BAZ1B: variants seen among roughly 807,000 people sequenced by gnomAD.
BAZ1B encodes bromodomain adjacent to zinc finger domain 1B, also known as tyrosine-protein kinase BAZ1B.
In BAZ1B, 22 loss-of-function variants were observed where a neutral mutation model predicts 153.8. The ratio of observed to expected loss-of-function variants is 0.14; its 90% CI spans 0.10 to 0.20. The LOEUF (loss-of-function observed/expected upper bound fraction) is 0.20. Among genes scored for constraint, BAZ1B ranks in the 10% least tolerant of loss-of-function variants. The pLI is 1.00. For synonymous variants in BAZ1B, 676 were observed against 633.4 expected, an observed-to-expected ratio of 1.07 and a Z score of -1.01; for missense variants, 1,325 against 1,799.3, an observed-to-expected ratio of 0.74 and a Z score of 4.77.
intron 8 of BAZ1B, 119 bp downstream of exon 8, chr7:73,470,226 A>G: frequency 8.3e-7 from 1 of 1,199,708 alleles, no homozygotes; most frequent in Non-Finnish European, 1.1e-6. Context: ...TTCTGTTTCC[A>G]AAAAGAATTG....
chr7:73,490,120 G>A (rs1234003400), intron 5 of BAZ1B, among the ~76,000 whole-genome samples: 1 of 152,018 alleles, frequency 6.6e-6, no homozygotes, highest in Non-Finnish European at 1.5e-5. Context: ...ATCATCTAGG[G>A]TACTATTAAA....
intron 16 of BAZ1B, among the ~76,000 whole-genome samples, chr7:73,445,075 A>G (rs1038515179): frequency 6.6e-5 from 10 of 152,130 alleles, no homozygotes; most frequent in African/African-American, 2.2e-4. Context: ...CTTGTGTCTC[A>G]GGTTTACAAC....
chr7:73,459,353 G>C (rs1554569997), intron 13 of BAZ1B, among the ~76,000 whole-genome samples, 183 bp downstream of exon 13: 1 of 150,908 alleles, frequency 6.6e-6, no homozygotes, highest in East Asian at 1.9e-4. Context: ...CACTCCACAG[G>C]CCAGTGTGAA....
rs1789718711 is a variant in BAZ1B, at chr7:73,493,117, TATAA to T, written c.572-200_572-197del. ...CAGCAAGTAAATAACTACAATGTAC[TATAA>T]ATAACTACAATGTAGTAAACAGTGT... On this transcript the variant is annotated intron_variant, in intron 4 of 19. Transcript: ENST00000339594. Among the ~76,000 whole-genome samples the T allele has an allele frequency of 2.0e-5, 3 of 152,168 alleles. No homozygotes were observed. The South Asian group carries it at 6.2e-4, about 31-fold the overall frequency.
At chr7:73,508,803 G>A (rs188264748) in intron 2 of BAZ1B, among the ~76,000 whole-genome samples, 136 of 151,842 alleles carry the variant, frequency 9.0e-4, no homozygotes, top group African/African-American at 3.2e-3. Context: ...CACGAGGTCA[G>A]GAGATCAAGA....
chr7:73,452,990 T>A (rs2116248656), intron 13 of BAZ1B, among the ~76,000 whole-genome samples: 1 of 152,238 alleles, frequency 6.6e-6, no homozygotes, highest in East Asian at 1.9e-4. Flanking sequence ...AAATAAGCAT[T>A]AAAAACCGAA....
At chr7:73,463,187 T>C in intron 11 of BAZ1B, 88 bp from the exon 12 acceptor site, 1 of 1,265,436 alleles carries the variant, frequency 7.9e-7, no homozygotes, top group Admixed American at 2.4e-5. Context: ...GTTTTATTTC[T>C]AGAAAACTTA....
At chr7:73,505,811 A>G (rs1425192248) in intron 3 of BAZ1B, among the ~76,000 whole-genome samples, 11 of 152,180 alleles carry the variant, frequency 7.2e-5, no homozygotes, top group Admixed American at 6.6e-4. Flanking sequence ...TTGGTCTCCC[A>G]AAGTGCTGGT....
Position 73,444,064 on chromosome 7 carries a change from G to A in BAZ1B, c.3910C>T (p.Arg1304Cys), listed in dbSNP as rs781799964. 1.3e-5 allele frequency: 21 copies of A among 1,613,512 alleles called. No homozygotes were observed. The highest frequency in any genetic ancestry group is 6.7e-5 in the Admixed American group (4 of 59,916). Residue 1304 changes from arginine (R) to cysteine (C), a missense_variant, in exon 17 of 20, where the codon CGC (arginine) becomes TGC (cysteine). Coordinates refer to ENST00000339594, the MANE Select transcript of BAZ1B (RefSeq NM_032408.4). Reference protein sequence around the residue: ...VIPPAARSGRRPGKKPHSTRR... With the variant: ...VIPPAARSGRCPGKKPHSTRR... ...GTAGAGTGTGGCTTCTTACCCGGGC[G>A]CCGGCCTGACCTTGCTGCAGGGGGG...
chr7:73,517,044 G>A (rs979415362), intron 1 of BAZ1B, among the ~76,000 whole-genome samples: 1 of 151,160 alleles, frequency 6.6e-6, no homozygotes, highest in African/African-American at 2.4e-5. Flanking sequence ...TTAGCCAGGC[G>A]TGGTGGTGGG....
chr7:73,456,490 C>T (rs1044410160), intron 13 of BAZ1B, among the ~76,000 whole-genome samples: 5 of 152,140 alleles, frequency 3.3e-5, no homozygotes. Flanking sequence ...GGGCAAAGGA[C>T]TTGAATATAT....
At chr7:73,487,158 C>T (rs892529689) in intron 6 of BAZ1B, among the ~76,000 whole-genome samples, 1 of 152,196 alleles carries the variant, frequency 6.6e-6, no homozygotes, top group Non-Finnish European at 1.5e-5. Flanking sequence ...AGCCAAATTT[C>T]ATAACATTAG....
At chr7:73,511,533 T>G (rs923297279) in intron 1 of BAZ1B, among the ~76,000 whole-genome samples, 1 of 151,628 alleles carries the variant, frequency 6.6e-6, no homozygotes, top group Admixed American at 6.6e-5. Flanking sequence ...TAAAAATGGT[T>G]TTTCGTGTTT....
At chr7:73,480,971 G>A (rs1789175094) in intron 6 of BAZ1B, among the ~76,000 whole-genome samples, 1 of 152,044 alleles carries the variant, frequency 6.6e-6, no homozygotes, top group South Asian at 2.1e-4. Flanking sequence ...CTGTCTCCCA[G>A]TCCGGAGTGC....
At chr7:73,490,843 G>T (rs1449487900) in intron 5 of BAZ1B, among the ~76,000 whole-genome samples, 1 of 151,568 alleles carries the variant, frequency 6.6e-6, no homozygotes, top group Non-Finnish European at 1.5e-5. Context: ...GAGCTCAGGT[G>T]ATCCACCTGC....
At chr7:73,454,555 A>T (rs1788127039) in intron 13 of BAZ1B, among the ~76,000 whole-genome samples, 1 of 152,188 alleles carries the variant, frequency 6.6e-6, no homozygotes, top group Non-Finnish European at 1.5e-5. Flanking sequence ...AAGCTTTGGA[A>T]AGGACAGCAG....
intron 7 of BAZ1B, among the ~76,000 whole-genome samples, chr7:73,473,193 G>A (rs1788878563): frequency 6.6e-6 from 1 of 152,210 alleles, no homozygotes; most frequent in Admixed American, 6.5e-5. Context: ...GCCTGCCTCA[G>A]CCTCCCGAAG....
At position 73,495,177 on chromosome 7, in the gene BAZ1B, G is replaced by C. The variant is rs150633399; in HGVS notation, c.572-2256C>G. Among the ~76,000 whole-genome samples, 431 of 152,270 alleles carry C rather than the reference G, an allele frequency of 2.8e-3. 2 individuals carry two copies. The highest frequency in any genetic ancestry group is 0.01 in the African/African-American group (420 of 41,542). On this transcript the variant is annotated intron_variant, in intron 4 of 19. Coordinates refer to ENST00000339594, the MANE Select transcript of BAZ1B (RefSeq NM_032408.4). Reference sequence around the variant, plus strand: ...GTGCTCCCATAGTCCCAGTTACTGGGGAGGCTGAAGCAGGAGAATCACTTG... The same window carrying C: ...GTGCTCCCATAGTCCCAGTTACTGGCGAGGCTGAAGCAGGAGAATCACTTG...
intron 15 of BAZ1B, 133 bp from the exon 16 acceptor site, chr7:73,447,512 G>A: frequency 1.7e-6 from 2 of 1,179,356 alleles, no homozygotes; most frequent in South Asian, 3.6e-5. Flanking sequence ...AATTCAGGGA[G>A]GGAACCTGAA....
Sources: allele counts gnomAD v4.1 joint callset (sites outside exome capture counted in the v4.1 genomes callset), GRCh38; gene constraint gnomAD v4.1.1; transcripts MANE v1.5; gene names NCBI Gene and HGNC (gene_info 2026-07-23, HGNC 2026-07-21).